Variants in THADA observed in about 807,000 individuals in gnomAD.
THADA encodes the protein THADA armadillo repeat containing, also known as tRNA (32-2'-O)-methyltransferase regulator THADA.
THADA carries 213 observed loss-of-function variants against 219.8 expected under a neutral mutation model. That is an observed-to-expected ratio of 0.97 (90% CI 0.87 to 1.09). THADA has a LOEUF of 1.09. Among genes scored for constraint, THADA ranks in the 50% least tolerant of loss-of-function variants. The probability of loss-of-function intolerance (pLI) is 0.00; values close to 1 mark genes in which losing one functional copy is unlikely to be tolerated. For missense variants in THADA, 2,956 were observed against 2,311.3 expected (o/e 1.28, Z -5.72); for synonymous variants, 1,018 against 828.9 (o/e 1.23, Z -3.92).
At chr2:43,420,959 A>G (rs762002050) in intron 28 of THADA, among the ~76,000 whole-genome samples, 1 of 152,220 alleles carries the variant, frequency 6.6e-6, no homozygotes, top group African/African-American at 2.4e-5. Flanking sequence ...TAGCTGCCCA[A>G]ACAATGTGAT....
chr2:43,595,461 G>A (rs763037265), intron 1 of THADA, among the ~76,000 whole-genome samples: 2 of 152,222 alleles, frequency 1.3e-5, no homozygotes, highest in Admixed American at 6.5e-5. Flanking sequence ...AGGTAAGCAA[G>A]TTTGCAGGAG....
At chr2:43,256,466 G>A (rs1205325025) in intron 36 of THADA, among the ~76,000 whole-genome samples, 1 of 151,848 alleles carries the variant, frequency 6.6e-6, no homozygotes, top group African/African-American at 2.4e-5. Context: ...TGAAGTGCAG[G>A]GGCATGATCA....
chr2:43,594,565 C>G (rs1007431657), intron 1 of THADA, among the ~76,000 whole-genome samples: 1 of 150,240 alleles, frequency 6.7e-6, no homozygotes, highest in Non-Finnish European at 1.5e-5. Flanking sequence ...GCCTGGGAGA[C>G]AAGAGCGAAA....
intron 30 of THADA, among the ~76,000 whole-genome samples, chr2:43,335,653 T>G (rs1461809581): frequency 6.6e-6 from 1 of 152,140 alleles, no homozygotes; most frequent in Non-Finnish European, 1.5e-5. Flanking sequence ...GTTATTCTAT[T>G]TAAGCTTCAA....
At chr2:43,458,691 T>A (rs376299707) in intron 26 of THADA, among the ~76,000 whole-genome samples, 2 of 152,086 alleles carry the variant, frequency 1.3e-5, no homozygotes, top group South Asian at 4.1e-4. Flanking sequence ...TGCCCATTCA[T>A]GAAGAAAATG....
At chr2:43,391,252 A>G (rs1673351295) in intron 29 of THADA, among the ~76,000 whole-genome samples, 1 of 152,164 alleles carries the variant, frequency 6.6e-6, no homozygotes, top group South Asian at 2.1e-4. Flanking sequence ...GATCCTGAAC[A>G]GTTACAAACA....
At chr2:43,567,437 A>G (rs571645940) in intron 14 of THADA, among the ~76,000 whole-genome samples, 1 of 152,164 alleles carries the variant, frequency 6.6e-6, no homozygotes, top group Admixed American at 6.5e-5. Flanking sequence ...CGAGACCAGC[A>G]TGTCCAACAT....
intron 27 of THADA, among the ~76,000 whole-genome samples, chr2:43,429,530 A>G (rs552588961): frequency 1.3e-5 from 2 of 152,260 alleles, no homozygotes; most frequent in Non-Finnish European, 2.9e-5. Context: ...TCTGAACACA[A>G]GTGATCATAT....
intron 13 of THADA, among the ~76,000 whole-genome samples, 172 bp from the exon 14 acceptor site, chr2:43,570,682 AAACT>A (rs1163044098): frequency 6.6e-6 from 1 of 152,242 alleles, no homozygotes; most frequent in African/African-American, 2.4e-5. Flanking sequence ...TACCAAAAAC[AAACT>A]ATTACTGCAA....
intron 25 of THADA, among the ~76,000 whole-genome samples, chr2:43,495,187 A>C (rs1688113862): frequency 6.6e-6 from 1 of 152,206 alleles, no homozygotes; most frequent in African/African-American, 2.4e-5. Context: ...TCCATTAAAT[A>C]GGTTGACTCA....
intron 36 of THADA, among the ~76,000 whole-genome samples, chr2:43,272,812 GAC>G: frequency 6.6e-6 from 1 of 151,728 alleles, no homozygotes; most frequent in Non-Finnish European, 1.5e-5. Flanking sequence ...TTTTTGAAGA[GAC>G]AGGGTCTCCC....
chr2:43,480,642 C>G (rs1318804255), intron 26 of THADA, among the ~76,000 whole-genome samples: 1 of 151,236 alleles, frequency 6.6e-6, no homozygotes, highest in Non-Finnish European at 1.5e-5. Context: ...AACCCCATTT[C>G]TACTAAAAAA....
intron 4 of THADA, 115 bp downstream of exon 4, chr2:43,590,709 T>C (rs1701466919): frequency 1.9e-6 from 2 of 1,043,410 alleles, no homozygotes; most frequent in Non-Finnish European, 2.8e-6. Flanking sequence ...ACCATATGAA[T>C]GAACTTTTTG....
At position 43,556,511 on chromosome 2, in the gene THADA, G is replaced by A. The variant is rs766462075; in HGVS notation, c.2508C>T (p.Leu836=). 1.2e-6 allele frequency: 2 copies of A among 1,613,736 alleles called. No individual in the cohort carries two copies. Among genetic ancestry groups the A allele is most frequent in the Non-Finnish European group, 1.7e-6 (2 of 1,179,828 alleles). ...LQGLFQAALE[L]STSTKPYDCV... ...AGTCGTATGGTTTGGTGCTTGTGCT[G>A]AGCTCCAATGCTGCCTGAAATAAGC... The change falls in exon 17 of 38, where the codon CTC becomes CTT. Residue 836 remains leucine (L), a synonymous_variant. Transcript: ENST00000405975.
At chr2:43,486,655 A>T (rs1219153233) in intron 25 of THADA, 1 of 152,244 alleles carries the variant, frequency 6.6e-6, no homozygotes, top group Non-Finnish European at 1.5e-5. Context: ...CACAAGCTCA[A>T]ATGCTCACAG....
intron 26 of THADA, chr2:43,463,148 TTCTC>T (rs1433738660): frequency 2.0e-5 from 3 of 152,216 alleles, no homozygotes; most frequent in African/African-American, 7.2e-5. Flanking sequence ...TAAGAAAATA[TTCTC>T]TCTCTCTTTT....
At chr2:43,463,272 G>T (rs1239014874) in intron 26 of THADA, 2 of 152,128 alleles carry the variant, frequency 1.3e-5, no homozygotes, top group African/African-American at 4.8e-5. Context: ...AAAGGTATCA[G>T]AAAGAGCAAA....
intron 29 of THADA, among the ~76,000 whole-genome samples, chr2:43,355,368 C>T (rs1421768674): frequency 1.3e-5 from 2 of 152,140 alleles, no homozygotes; most frequent in South Asian, 2.1e-4. Context: ...ACAAAGGTTC[C>T]CCTTTCTCCG....
chr2:43,354,112 C>T (rs1017473908), intron 29 of THADA, among the ~76,000 whole-genome samples: 2 of 151,916 alleles, frequency 1.3e-5, no homozygotes, highest in African/African-American at 2.4e-5. Flanking sequence ...TGAGCCACTG[C>T]GCCCGGCCAA....
Sources: allele counts gnomAD v4.1 joint callset (sites outside exome capture counted in the v4.1 genomes callset), GRCh38; gene constraint gnomAD v4.1.1; transcripts MANE v1.5; gene names NCBI Gene and HGNC (gene_info 2026-07-23, HGNC 2026-07-21).